The following JAKMIP1 variants were observed in gnomAD, a reference collection of about 807,000 sequenced individuals.
The protein encoded by JAKMIP1 is janus kinase and microtubule interacting protein 1, also known as janus kinase and microtubule-interacting protein 1.
In JAKMIP1, 33 loss-of-function variants were observed where a neutral mutation model predicts 113.0. The ratio of observed to expected loss-of-function variants is 0.29; its 90% CI spans 0.22 to 0.39. The LOEUF (loss-of-function observed/expected upper bound fraction) is 0.39, where lower values mean the gene tolerates loss of function less well. Ranked by LOEUF, JAKMIP1 falls within the 10% of genes least tolerant of loss-of-function variation. JAKMIP1 has a pLI of 1.00. For synonymous variants in JAKMIP1, 480 were observed against 459.9 expected (o/e 1.04, Z -0.56); for missense variants, 813 against 1,080.5 (o/e 0.75, Z 3.47).
At position 6,155,746 on chromosome 4, in the gene JAKMIP1, C is replaced by G. The variant is rs1722155531; in HGVS notation, c.-147-42749G>C. ...TTTATAGAACGGGATATTATAGTGT[C>G]CTTTAAGCTGAAGCTCTATCATCTC... On this transcript the variant is annotated intron_variant, in intron 1 of 20. Transcript: ENST00000409021. This position sits in a 1 kb window ranked among gnomAD's most constrained non-coding sequence, Gnocchi z 6.1. Among the ~76,000 whole-genome samples the G allele has an allele frequency of 6.6e-6, 1 of 152,204 alleles. No homozygotes were observed. Among genetic ancestry groups the G allele is most frequent in the Non-Finnish European group, 1.5e-5 (1 of 68,050 alleles).
rs1293324993 is a variant in JAKMIP1 at position 6,069,706 on chromosome 4, T to C, written c.1303-4698A>G. On this transcript the variant is annotated intron_variant, in intron 8 of 20. Coordinates refer to ENST00000409021, the MANE Select transcript of JAKMIP1 (RefSeq NM_001099433.2). This position sits in a 1 kb window ranked among gnomAD's most constrained non-coding sequence, Gnocchi z 4.5. ...AGGTTGGGGCTGCAGTGAGCTGTGA[T>C]TGTGCCTCTGCACTCCAGCCTGGGT... Among the ~76,000 whole-genome samples the C allele has an allele frequency of 2.0e-5, 3 of 151,514 alleles. No individual in the cohort carries two copies. The highest frequency in any genetic ancestry group is 4.4e-5 in the Non-Finnish European group (3 of 67,978).
Position 6,116,478 on chromosome 4 carries a change from G to C in JAKMIP1, c.-147-3481C>G, listed in dbSNP as rs985821162. Reference sequence around the variant, plus strand: ...ACAGGAGGCGGAGTCCTCAGAGAAGGCTCCTTCCTGAAGGCACGGGGACCT... The same window carrying C: ...ACAGGAGGCGGAGTCCTCAGAGAAGCCTCCTTCCTGAAGGCACGGGGACCT... On this transcript the variant is annotated intron_variant, in intron 1 of 20. Coordinates refer to ENST00000409021, the MANE Select transcript of JAKMIP1 (RefSeq NM_001099433.2). This position sits in a 1 kb window ranked among gnomAD's most constrained non-coding sequence, Gnocchi z 5.1. Among the ~76,000 whole-genome samples the C allele has an allele frequency of 1.3e-5, 2 of 152,174 alleles. No individual in the cohort carries two copies. Among genetic ancestry groups the C allele is most frequent in the African/African-American group, 2.4e-5 (1 of 41,444 alleles).
intron 17 of JAKMIP1, among the ~76,000 whole-genome samples, chr4:6,041,696 A>G (rs981724396): frequency 6.6e-6 from 1 of 152,228 alleles, no homozygotes; most frequent in African/African-American, 2.4e-5. Context: ...CCCATTCATC[A>G]ATGAGAAAAC....
Position 6,065,084 on chromosome 4 carries a change from G to C in JAKMIP1, c.1303-76C>G. 1 of 1,566,342 alleles carries C rather than the reference G, an allele frequency of 6.4e-7. No homozygotes were observed. The highest frequency in any genetic ancestry group is 1.7e-4 in the Middle Eastern group (1 of 5,980). ...TCTACCAGTCCCTGGTCGTGGGCAT[G>C]CCAGTGCAGGGGGGTGATGATTGAC... On this transcript the variant is annotated intron_variant, in intron 8 of 20. Transcript: ENST00000409021. The surrounding 1 kb of genome is among the most constrained non-coding windows in gnomAD (Gnocchi z 5.1).
At position 6,094,956 on chromosome 4, in the gene JAKMIP1, C is replaced by T. The variant is rs1722600894; in HGVS notation, c.625-9327G>A. ...CTGTGATTGCACCACTGCACTCCAGCCTGGGCGACAGAGCAAGACCCTGTC... is the reference window on the plus strand; with the variant it reads ...CTGTGATTGCACCACTGCACTCCAGTCTGGGCGACAGAGCAAGACCCTGTC... On this transcript the variant is annotated intron_variant, in intron 3 of 20. Transcript: ENST00000409021. The surrounding 1 kb of genome is among the most constrained non-coding windows in gnomAD (Gnocchi z 4.2). 1.3e-5 allele frequency among the ~76,000 whole-genome samples: 2 copies of T among 151,488 alleles called. No homozygotes were observed. Among genetic ancestry groups the T allele is most frequent in the Admixed American group, 1.3e-4 (2 of 15,200 alleles).
intron 8 of JAKMIP1, among the ~76,000 whole-genome samples, chr4:6,074,031 T>A (rs1313265797): frequency 1.3e-5 from 2 of 152,200 alleles, no homozygotes; most frequent in African/African-American, 4.8e-5. Flanking sequence ...TCAGGATCCT[T>A]CTCCTCCAAC....
At position 6,105,653 on chromosome 4, in the gene JAKMIP1, G is replaced by C. The variant is rs780524678; in HGVS notation, c.444C>G (p.Arg148=). Residue 148 remains arginine (R), a synonymous_variant, in exon 3 of 21, where the codon CGC becomes CGG. Transcript: ENST00000409021. ...CCAGGATCTCCTGCTGCAGCCGCAG[G>C]CGCTCTCCATCGAAGGCCCTGCGCG... ...EEARRAFDGE[R]LRLQQEILEL... 33 of 1,599,446 alleles carry C rather than the reference G, an allele frequency of 2.1e-5. No homozygotes were observed. Among genetic ancestry groups the C allele is most frequent in the Non-Finnish European group, 2.7e-5 (32 of 1,174,270 alleles).
At position 6,047,988 on chromosome 4, in the gene JAKMIP1, A is replaced by T. The variant is rs372594563; in HGVS notation, c.2028+869T>A. On this transcript the variant is annotated intron_variant, in intron 16 of 20. Coordinates refer to ENST00000409021, the MANE Select transcript of JAKMIP1 (RefSeq NM_001099433.2). ...AATGACAATGAATACATATTTGTCA[A>T]ATGAATGAATGGATGGATGGGTGAA... Among the ~76,000 whole-genome samples the T allele has an allele frequency of 2.6e-5, 4 of 152,344 alleles. No individual in the cohort carries two copies. The East Asian group carries it at 5.8e-4, about 22-fold the overall frequency.
chr4:6,052,472 C>A (rs572475012), intron 13 of JAKMIP1, among the ~76,000 whole-genome samples: 130 of 151,808 alleles, frequency 8.6e-4, no homozygotes, highest in Non-Finnish European at 1.6e-3. Flanking sequence ...CATGGCGAAA[C>A]CTGTGTCTAC....
rs1256558617 is a variant in JAKMIP1 at position 6,062,320 on chromosome 4, C to T, written c.1552G>A (p.Glu518Lys). The change falls in exon 10 of 21, where the codon GAG becomes AAG. Residue 518 changes from glutamate to lysine, a missense_variant. Coordinates refer to ENST00000409021, the MANE Select transcript of JAKMIP1 (RefSeq NM_001099433.2). The stretch of plus-strand genomic sequence containing the variant: ...AGGCTGGCTGCACTCACCCGGGCCT[C>T]CCTCTCAGCGTCCAGCGTGCCTCCC... Reference protein sequence around the residue: ...QVGGTLDAEREARTREQLQAD... With the variant: ...QVGGTLDAERKARTREQLQAD... The T allele has an allele frequency of 2.5e-6, 4 of 1,612,570 alleles. No individual in the cohort carries two copies. The highest frequency in any genetic ancestry group is 2.5e-6 in the Non-Finnish European group (3 of 1,179,948).
chr4:6,175,250 G>A (rs747920250), intron 1 of JAKMIP1, among the ~76,000 whole-genome samples: 1 of 152,158 alleles, frequency 6.6e-6, no homozygotes, highest in Non-Finnish European at 1.5e-5. Flanking sequence ...CAAAGTCACA[G>A]AACTCCCATG....
chr4:6,147,336 A>C (rs552977796), intron 1 of JAKMIP1, among the ~76,000 whole-genome samples: 1 of 152,300 alleles, frequency 6.6e-6, no homozygotes, highest in South Asian at 2.1e-4. Flanking sequence ...TTAAAGGCAC[A>C]CATCAGTAAG....
In JAKMIP1 at chr4:6,153,872, G is replaced by A. The variant is rs1481086219; in HGVS notation, c.-147-40875C>T. Among the ~76,000 whole-genome samples, 2 of 152,078 alleles carry A rather than the reference G, an allele frequency of 1.3e-5. No individual in the cohort carries two copies. The highest frequency in any genetic ancestry group is 2.1e-4 in the South Asian group (1 of 4,814). On this transcript the variant is annotated intron_variant, in intron 1 of 20. Transcript: ENST00000409021. The surrounding 1 kb of genome is among the most constrained non-coding windows in gnomAD (Gnocchi z 4.9). Reference sequence around the variant, plus strand: ...CTACTGTCACCTAAAATCTCACATCGCAACACTGGTGAGCACTCTCACTGA... The same window carrying A: ...CTACTGTCACCTAAAATCTCACATCACAACACTGGTGAGCACTCTCACTGA...
chr4:6,143,676 T>G lies in JAKMIP1; in HGVS notation c.-147-30679A>C, dbSNP rs1694944104. On this transcript the variant is annotated intron_variant, in intron 1 of 20. Transcript: ENST00000409021. This position sits in a 1 kb window ranked among gnomAD's most constrained non-coding sequence, Gnocchi z 4.9. ...GCTGGGAGCTTGTTAGGAGTTAAAA[T>G]TCTTTGGCCTCAACAGTAACCTACT... 1.3e-5 allele frequency among the ~76,000 whole-genome samples: 2 copies of G among 152,222 alleles called. No homozygotes were observed. The highest frequency in any genetic ancestry group is 6.5e-5 in the Admixed American group (1 of 15,282).
rs991880052 is a variant in JAKMIP1 at position 6,194,786 on chromosome 4, G to A, written c.-148+5467C>T. ...TGGCCCTTCAGCCAGTCTAAGCCAC[G>A]GTGGGAGACAGGAGAGCAGGCAGCC... is the stretch of plus-strand genomic sequence containing the variant. On this transcript the variant is annotated intron_variant, in intron 1 of 20. Coordinates refer to ENST00000409021, the MANE Select transcript of JAKMIP1 (RefSeq NM_001099433.2). The surrounding 1 kb of genome is among the most constrained non-coding windows in gnomAD (Gnocchi z 7.4). 6.6e-6 allele frequency among the ~76,000 whole-genome samples: 1 copy of A among 152,184 alleles called. No homozygotes were observed. Among genetic ancestry groups the A allele is most frequent in the Admixed American group, 6.5e-5 (1 of 15,284 alleles).
intron 1 of JAKMIP1, among the ~76,000 whole-genome samples, chr4:6,182,137 G>C (rs1298653358): frequency 2.0e-5 from 3 of 152,114 alleles, no homozygotes; most frequent in African/African-American, 7.2e-5. Flanking sequence ...AGGAAACCAG[G>C]CTCGGTGGCT....
chr4:6,083,910 T>A (rs974999426), intron 5 of JAKMIP1, among the ~76,000 whole-genome samples: 2 of 152,232 alleles, frequency 1.3e-5, no homozygotes, highest in Admixed American at 6.5e-5. Context: ...GAAGTCCATG[T>A]TCATTATTTT....
intron 3 of JAKMIP1, among the ~76,000 whole-genome samples, chr4:6,098,519 G>A (rs1047274404): frequency 1.7e-4 from 17 of 102,476 alleles, no homozygotes; most frequent in Admixed American, 1.1e-3. Flanking sequence ...AGGAAGGAAG[G>A]AAGAAAGAGA....
chr4:6,050,096 C>T lies in JAKMIP1; in HGVS notation c.1909-224G>A, dbSNP rs967667883. The stretch of plus-strand genomic sequence containing the variant: ...GCACAAACACTGCTTTCTAGAAAGG[C>T]CATGGAAGCGGGTGAGTCAGGACGC... On this transcript the variant is annotated intron_variant, in intron 14 of 20. Coordinates refer to ENST00000409021, the MANE Select transcript of JAKMIP1 (RefSeq NM_001099433.2). This position sits in a 1 kb window ranked among gnomAD's most constrained non-coding sequence, Gnocchi z 7.4. Among the ~76,000 whole-genome samples, 5 of 152,310 alleles carry T rather than the reference C, an allele frequency of 3.3e-5. No individual in the cohort carries two copies. In the South Asian group the frequency reaches 1.0e-3, roughly 32 times the overall value.
Sources: allele counts gnomAD v4.1 joint callset (sites outside exome capture counted in the v4.1 genomes callset), GRCh38; gene constraint gnomAD v4.1.1; non-coding constraint Gnocchi (gnomAD v3.1); transcripts MANE v1.5; gene names NCBI Gene and HGNC (gene_info 2026-07-23, HGNC 2026-07-21).